The following CFAP44 variants were observed in gnomAD, a reference collection of about 807,000 sequenced individuals.
The protein encoded by CFAP44 is cilia and flagella associated protein 44.
Under a neutral mutation model 216.2 loss-of-function variants are expected in CFAP44, and 134 were observed. That is an observed-to-expected ratio of 0.62 (90% CI 0.54 to 0.72). The LOEUF (loss-of-function observed/expected upper bound fraction) is 0.72. Among genes scored for constraint, CFAP44 ranks in the 30% least tolerant of loss-of-function variants. The probability of loss-of-function intolerance (pLI) is 0.00; values close to 1 mark genes in which losing one functional copy is unlikely to be tolerated. For missense variants in CFAP44, 2,035 were observed against 2,182.1 expected, an observed-to-expected ratio of 0.93 and a Z score of 1.34; for synonymous variants, 700 against 727.6, an observed-to-expected ratio of 0.96 and a Z score of 0.61.
chr3:113,377,667 T>A (rs962948242), intron 17 of CFAP44, among the ~76,000 whole-genome samples: 13 of 152,052 alleles, frequency 8.5e-5, no homozygotes, highest in Admixed American at 6.5e-4. Flanking sequence ...ATATATATAT[T>A]TTTTGAGACA....
At chr3:113,351,658 G>A (rs951681310) in intron 22 of CFAP44, among the ~76,000 whole-genome samples, 4 of 152,094 alleles carry the variant, frequency 2.6e-5, no homozygotes, top group African/African-American at 7.2e-5. Context: ...GATGCCAACC[G>A]GCATTTACAG....
At chr3:113,358,940 T>G (rs1285085652) in intron 21 of CFAP44, 65 bp from the exon 22 acceptor site, 1 of 1,479,672 alleles carries the variant, frequency 6.8e-7, no homozygotes, top group Non-Finnish European at 8.9e-7. Flanking sequence ...TATATTTCAG[T>G]TTTGTCCCCA....
rs528169366 is a variant in CFAP44, at chr3:113,351,328, C to T, written c.3066-6616G>A. Among the ~76,000 whole-genome samples, 148 of 152,276 alleles carry T rather than the reference C, an allele frequency of 9.7e-4. 1 individual carries two copies. In the Middle Eastern group the frequency reaches 0.01, roughly 11 times the overall value. On this transcript the variant is annotated intron_variant, in intron 22 of 34. Transcript: ENST00000393845. ...AGGAAATCAGACCCTATCAGTACCC[C>T]TCAAAGCTTAAGTCCATCAGCACAG...
intron 22 of CFAP44, among the ~76,000 whole-genome samples, chr3:113,354,420 C>T (rs1950475776): frequency 1.3e-5 from 2 of 152,284 alleles, no homozygotes; most frequent in African/African-American, 4.8e-5. Context: ...TCAGCAGCTG[C>T]CTGGAAATAG....
At chr3:113,339,378 A>G (rs1459587885) in intron 24 of CFAP44, among the ~76,000 whole-genome samples, 1 of 152,064 alleles carries the variant, frequency 6.6e-6, no homozygotes, top group African/African-American at 2.4e-5. Context: ...TGTGATGGAG[A>G]CAGAAAGCTA....
chr3:113,370,974 T>A (rs1933139750), intron 18 of CFAP44, among the ~76,000 whole-genome samples: 2 of 152,074 alleles, frequency 1.3e-5, no homozygotes, highest in Admixed American at 6.5e-5. Context: ...TGAACTCCCA[T>A]TCACAATTGG....
intron 28 of CFAP44, among the ~76,000 whole-genome samples, chr3:113,322,555 C>A (rs993388043): frequency 6.6e-6 from 1 of 152,064 alleles, no homozygotes; most frequent in African/African-American, 2.4e-5. Context: ...TCACACCAGT[C>A]AGAATAACTA....
chr3:113,295,126 G>A (rs1296269381), intron 33 of CFAP44, among the ~76,000 whole-genome samples: 1 of 152,206 alleles, frequency 6.6e-6, no homozygotes, highest in Non-Finnish European at 1.5e-5. Context: ...TTAAAAGGAA[G>A]GGTGATAATT....
At chr3:113,360,130 C>T (rs576852205) in intron 21 of CFAP44, 3 of 150,844 alleles carry the variant, frequency 2.0e-5, no homozygotes, top group African/African-American at 4.9e-5. Context: ...CTTTGTATTA[C>T]GTAAAGAGGT....
intron 22 of CFAP44, among the ~76,000 whole-genome samples, chr3:113,348,198 T>C (rs1411902196): frequency 6.6e-6 from 1 of 151,790 alleles, no homozygotes; most frequent in Non-Finnish European, 1.5e-5. Context: ...GGTTCTTGGG[T>C]CGGGGGGAAG....
intron 15 of CFAP44, among the ~76,000 whole-genome samples, chr3:113,388,188 C>T (rs1289908393): frequency 6.6e-6 from 1 of 152,056 alleles, no homozygotes; most frequent in Non-Finnish European, 1.5e-5. Context: ...CTTGAGCAAA[C>T]ATAGGCAGTA....
intron 22 of CFAP44, among the ~76,000 whole-genome samples, chr3:113,353,430 T>C (rs1950463551): frequency 6.8e-6 from 1 of 146,292 alleles, no homozygotes; most frequent in African/African-American, 2.6e-5. Flanking sequence ...GTTTGCGAGT[T>C]AGGATTCATA....
chr3:113,312,318 C>A (rs1294544412), intron 28 of CFAP44, among the ~76,000 whole-genome samples: 1 of 150,488 alleles, frequency 6.6e-6, no homozygotes, highest in African/African-American at 2.5e-5. Context: ...CACCTGACCT[C>A]ATGATCCGCC....
chr3:113,293,784 C>T (rs961785168), intron 34 of CFAP44, among the ~76,000 whole-genome samples: 6 of 152,220 alleles, frequency 3.9e-5, no homozygotes, highest in African/African-American at 1.4e-4. Context: ...ATTCACTTTT[C>T]ATGGAATAAA....
intron 13 of CFAP44, among the ~76,000 whole-genome samples, chr3:113,399,063 G>A (rs977352858): frequency 1.3e-5 from 2 of 152,174 alleles, no homozygotes; most frequent in Non-Finnish European, 2.9e-5. Flanking sequence ...ACTGTCCTGA[G>A]GCTTCCATGT....
chr3:113,342,796 A>G (rs767592130), intron 23 of CFAP44, among the ~76,000 whole-genome samples: 39 of 151,744 alleles, frequency 2.6e-4, no homozygotes, highest in Non-Finnish European at 5.0e-4. Context: ...GTTCAAGACC[A>G]GCCTGGGCAT....
chr3:113,388,250 T>A (rs1407853192), intron 15 of CFAP44, among the ~76,000 whole-genome samples: 1 of 152,184 alleles, frequency 6.6e-6, no homozygotes, highest in African/African-American at 2.4e-5. Context: ...CTATTCTGGC[T>A]TCAGGACTGA....
intron 29 of CFAP44, among the ~76,000 whole-genome samples, chr3:113,306,818 C>T (rs1395277011): frequency 6.6e-6 from 1 of 152,146 alleles, no homozygotes; most frequent in Non-Finnish European, 1.5e-5. Context: ...AGATCTAGCC[C>T]TAGTGCTATC....
intron 23 of CFAP44, among the ~76,000 whole-genome samples, chr3:113,343,654 T>C (rs1950355734): frequency 6.6e-6 from 1 of 151,936 alleles, no homozygotes; most frequent in Non-Finnish European, 1.5e-5. Context: ...GGTGAGGAAG[T>C]GTTAGACATA....
Sources: gnomAD v4.1 joint callset for allele counts (sites outside exome capture counted in the v4.1 genomes callset) on GRCh38, gnomAD v4.1.1 for gene constraint, MANE v1.5 for transcripts, NCBI Gene and HGNC (gene_info 2026-07-23, HGNC 2026-07-21) for gene names.